Variants in XKR4 observed in about 807,000 individuals in gnomAD.
XKR4 encodes the protein XK related 4, also known as XK-related protein 4.
A neutral mutation model predicts 53.9 loss-of-function variants in XKR4; 12 were observed. That is an observed-to-expected ratio of 0.22 (90% CI 0.14 to 0.36). The LOEUF (loss-of-function observed/expected upper bound fraction) is 0.36, where lower values mean the gene tolerates loss of function less well. XKR4 is among the 10% of genes least tolerant of loss of function. XKR4 has a pLI of 1.00. For synonymous variants in XKR4, 354 were observed against 362.4 expected, an observed-to-expected ratio of 0.98 and a Z score of 0.26; for missense variants, 799 against 859.5, an observed-to-expected ratio of 0.93 and a Z score of 0.88.
intron 2 of XKR4, among the ~76,000 whole-genome samples, chr8:55,436,623 C>T (rs1201837498): frequency 6.6e-6 from 1 of 152,172 alleles, no homozygotes; most frequent in African/African-American, 2.4e-5. Context: ...GGCCTCCAAC[C>T]TCACAGACTG....
intron 2 of XKR4, chr8:55,451,213 G>C: frequency 1.8e-6 from 1 of 562,300 alleles, no homozygotes; most frequent in South Asian, 2.1e-5. Context: ...CTGCCAGCTA[G>C]CTGGGAGCCC....
chr8:55,390,161 G>T lies in XKR4; in HGVS notation c.1006+32284G>T, dbSNP rs542559196. On this transcript the variant is annotated intron_variant, in intron 2 of 2. Coordinates refer to ENST00000327381, the MANE Select transcript of XKR4 (RefSeq NM_052898.2). ...GAGCATGTGGAGGCTTCTGGCTAAG[G>T]TTTATTTAAAAACAAAAAGAAAATC... Among the ~76,000 whole-genome samples, 8 of 152,258 alleles carry T rather than the reference G, an allele frequency of 5.3e-5. No individual in the cohort carries two copies. The East Asian group carries it at 1.5e-3, about 29-fold the overall frequency.
intron 2 of XKR4, among the ~76,000 whole-genome samples, chr8:55,466,939 A>G (rs112029870): frequency 6.6e-6 from 1 of 152,308 alleles, no homozygotes; most frequent in African/African-American, 2.4e-5. Context: ...AAAACAAATT[A>G]CCACAGACTC....
At chr8:55,483,101 A>G (rs1256610797) in intron 2 of XKR4, among the ~76,000 whole-genome samples, 1 of 152,128 alleles carries the variant, frequency 6.6e-6, no homozygotes, top group Admixed American at 6.6e-5. Flanking sequence ...CTACATCCTC[A>G]GGGCTTAGTG....
chr8:55,216,666 G>A (rs1339514549), intron 1 of XKR4, among the ~76,000 whole-genome samples: 2 of 151,030 alleles, frequency 1.3e-5, no homozygotes, highest in African/African-American at 2.4e-5. Flanking sequence ...GGCAGAGGTT[G>A]CAGTGAGCTG....
chr8:55,339,318 A>G (rs1803508470), intron 1 of XKR4, among the ~76,000 whole-genome samples: 1 of 152,220 alleles, frequency 6.6e-6, no homozygotes, highest in South Asian at 2.1e-4. Flanking sequence ...AAGACTCCTC[A>G]TGGGTCAAAA....
chr8:55,490,734 C>G (rs1478364732), intron 2 of XKR4, among the ~76,000 whole-genome samples: 1 of 152,108 alleles, frequency 6.6e-6, no homozygotes, highest in Non-Finnish European at 1.5e-5. Context: ...ACTCTGACTA[C>G]TTTTAAGATT....
At chr8:55,177,805 G>C (rs1456687217) in intron 1 of XKR4, among the ~76,000 whole-genome samples, 1 of 152,124 alleles carries the variant, frequency 6.6e-6, no homozygotes, top group Non-Finnish European at 1.5e-5. Flanking sequence ...CATTTGTCAT[G>C]GTTGTTCTTC....
chr8:55,505,522 G>T (rs1460155600), intron 2 of XKR4, among the ~76,000 whole-genome samples: 3 of 152,132 alleles, frequency 2.0e-5, no homozygotes, highest in African/African-American at 7.2e-5. Flanking sequence ...TGATACTCCT[G>T]CCTGGGCAAC....
At chr8:55,285,674 T>C (rs1246687966) in intron 1 of XKR4, among the ~76,000 whole-genome samples, 3 of 152,190 alleles carry the variant, frequency 2.0e-5, no homozygotes, top group Non-Finnish European at 2.9e-5. Context: ...ACTGTACACA[T>C]TGCTTCCACC....
intron 1 of XKR4, among the ~76,000 whole-genome samples, chr8:55,148,604 C>T (rs544913163): frequency 6.6e-6 from 1 of 152,232 alleles, no homozygotes; most frequent in South Asian, 2.1e-4. Flanking sequence ...TATTTAAATT[C>T]TGGCCTCTTT....
chr8:55,367,594 G>C (rs1375913499), intron 2 of XKR4, among the ~76,000 whole-genome samples: 1 of 152,148 alleles, frequency 6.6e-6, no homozygotes, highest in African/African-American at 2.4e-5. Flanking sequence ...ATTCCTACCA[G>C]CAGTGTGTGT....
intron 1 of XKR4, among the ~76,000 whole-genome samples, chr8:55,273,515 G>T (rs55720469): frequency 0.23 from 34,973 of 152,110 alleles, 4,403 homozygotes; most frequent in East Asian, 0.48. Context: ...TAGCTTGAGT[G>T]TACAAGATTC....
chr8:55,391,564 C>G (rs1804443646), intron 2 of XKR4, among the ~76,000 whole-genome samples: 1 of 152,094 alleles, frequency 6.6e-6, no homozygotes. Flanking sequence ...CACATACACA[C>G]ACATTCTTAT....
chr8:55,197,731 G>A (rs1003718739), intron 1 of XKR4, among the ~76,000 whole-genome samples: 1 of 152,166 alleles, frequency 6.6e-6, no homozygotes, highest in East Asian at 1.9e-4. Flanking sequence ...TTTTAGTAGA[G>A]ACAGGGTTTC....
At chr8:55,442,171 A>G (rs556741014) in intron 2 of XKR4, among the ~76,000 whole-genome samples, 1 of 152,204 alleles carries the variant, frequency 6.6e-6, no homozygotes, top group Non-Finnish European at 1.5e-5. Flanking sequence ...ATATTTGCTG[A>G]AGAAAAGATA....
Position 55,109,402 on chromosome 8 carries a change from C to T in XKR4, c.806+6108C>T, listed in dbSNP as rs759416839. On this transcript the variant is annotated intron_variant, in intron 1 of 2. Transcript: ENST00000327381. Reference sequence around the variant, plus strand: ...ATTTTCGTGCAACACTATAATTGTGCCACTTTAAAATCTATTCGTTGGTTT... The same window carrying T: ...ATTTTCGTGCAACACTATAATTGTGTCACTTTAAAATCTATTCGTTGGTTT... 9.9e-4 allele frequency among the ~76,000 whole-genome samples: 151 copies of T among 152,122 alleles called. 1 individual carries two copies. Among genetic ancestry groups the T allele is most frequent in the Non-Finnish European group, 1.9e-3 (129 of 68,016 alleles).
At chr8:55,110,815 A>C (rs191601889) in intron 1 of XKR4, among the ~76,000 whole-genome samples, 5 of 152,290 alleles carry the variant, frequency 3.3e-5, no homozygotes, top group Admixed American at 3.3e-4. Flanking sequence ...TTTATGCTTC[A>C]GTCTACTCAA....
rs370482960 is a variant in XKR4, at chr8:55,502,309, G to A, written c.1007-20972G>A. ...AGAACTGACATACTGTTTTTCATAC[G>A]GGATGCACCATTTAACATTCCCACC... On this transcript the variant is annotated intron_variant, in intron 2 of 2. Transcript: ENST00000327381. Among the ~76,000 whole-genome samples the A allele has an allele frequency of 1.1e-4, 16 of 152,010 alleles. No individual in the cohort carries two copies. In the East Asian group the frequency reaches 2.7e-3, roughly 26 times the overall value.
Sources: gnomAD v4.1 joint callset for allele counts (sites outside exome capture counted in the v4.1 genomes callset) on GRCh38, gnomAD v4.1.1 for gene constraint, MANE v1.5 for transcripts, NCBI Gene and HGNC (gene_info 2026-07-23, HGNC 2026-07-21) for gene names.